PCDH9: variants seen among roughly 807,000 people sequenced by gnomAD.
The protein encoded by PCDH9 is protocadherin-9.
A neutral mutation model predicts 70.6 loss-of-function variants in PCDH9; 24 were observed. That is an observed-to-expected ratio of 0.34 (90% CI 0.25 to 0.48). The LOEUF (loss-of-function observed/expected upper bound fraction) is 0.48, where lower values mean the gene tolerates loss of function less well. PCDH9 is among the 20% of genes least tolerant of loss of function. PCDH9 has a pLI of 0.99. For missense variants in PCDH9, 1,281 were observed against 1,503.6 expected, an observed-to-expected ratio of 0.85 and a Z score of 2.45; for synonymous variants, 562 against 558.5, an observed-to-expected ratio of 1.01 and a Z score of -0.09.
At position 67,128,766 on chromosome 13, in the gene PCDH9, G is replaced by A. The variant is rs181333538; in HGVS notation, c.3036+96639C>T. ...CACTGTTTGAATTCCTCTAGAAGAT[G>A]TTGAGCTTCCACCGTTGTGTTCCAA... On this transcript the variant is annotated intron_variant, in intron 2 of 4. Transcript: ENST00000377865. Among the ~76,000 whole-genome samples the A allele has an allele frequency of 3.2e-4, 49 of 152,272 alleles. 1 individual carries two copies. The highest frequency in any genetic ancestry group is 1.7e-3 in the Admixed American group (26 of 15,280).
chr13:66,595,266 A>C (rs2077089085), intron 4 of PCDH9, among the ~76,000 whole-genome samples: 1 of 151,626 alleles, frequency 6.6e-6, no homozygotes, highest in South Asian at 2.1e-4. Context: ...CCAATTTGCA[A>C]ACCTACCTCC....
intron 4 of PCDH9, among the ~76,000 whole-genome samples, chr13:66,361,434 T>G (rs747764638): frequency 1.2e-4 from 19 of 152,170 alleles, no homozygotes; most frequent in Non-Finnish European, 2.5e-4. Context: ...AGTATTCTCA[T>G]GGATCCGGTA....
chr13:66,970,017 T>C (rs1293758430), intron 2 of PCDH9, among the ~76,000 whole-genome samples: 2 of 151,946 alleles, frequency 1.3e-5, no homozygotes, highest in African/African-American at 4.8e-5. Context: ...CTAGTTACAA[T>C]TGTCCCTTTT....
chr13:66,494,671 A>T (rs1054019811), intron 4 of PCDH9, among the ~76,000 whole-genome samples: 1 of 152,282 alleles, frequency 6.6e-6, no homozygotes, highest in South Asian at 2.1e-4. Flanking sequence ...TGTACATTTT[A>T]AAAATCTTTA....
In PCDH9 at chr13:66,643,231, A is replaced by G. The variant is rs528794497; in HGVS notation, c.3139-11820T>C. ...TTAAGCCTCTCTTGCTTTAAAAAAT[A>G]TAATATGTAACTACCTACTCTACTC... On this transcript the variant is annotated intron_variant, in intron 3 of 4. Transcript: ENST00000377865. Among the ~76,000 whole-genome samples, 7 of 152,196 alleles carry G rather than the reference A, an allele frequency of 4.6e-5. No individual in the cohort carries two copies. In the East Asian group the frequency reaches 1.2e-3, roughly 25 times the overall value.
intron 4 of PCDH9, among the ~76,000 whole-genome samples, chr13:66,423,386 T>A (rs769606661): frequency 3.3e-5 from 5 of 151,242 alleles, no homozygotes; most frequent in African/African-American, 7.3e-5. Flanking sequence ...AAAAGAAAAT[T>A]TCAGGCTAAT....
intron 4 of PCDH9, among the ~76,000 whole-genome samples, chr13:66,378,995 A>G (rs1956795573): frequency 6.6e-6 from 1 of 152,234 alleles, no homozygotes; most frequent in Admixed American, 6.5e-5. Flanking sequence ...CTATGCAGCA[A>G]CAGACACTTA....
At chr13:66,380,524 A>C (rs1311833885) in intron 4 of PCDH9, among the ~76,000 whole-genome samples, 1 of 149,276 alleles carries the variant, frequency 6.7e-6, no homozygotes, top group Non-Finnish European at 1.5e-5. Context: ...AAAATAGAGA[A>C]TAGATCTTGT....
intron 3 of PCDH9, among the ~76,000 whole-genome samples, chr13:66,653,923 G>T (rs547256566): frequency 2.0e-5 from 3 of 146,808 alleles, no homozygotes; most frequent in Non-Finnish European, 3.0e-5. Context: ...AGCTGAGATC[G>T]TGCCACTGCA....
At chr13:67,229,390 C>T (rs1228377776) in intron 1 of PCDH9, among the ~76,000 whole-genome samples, 2 of 152,152 alleles carry the variant, frequency 1.3e-5, no homozygotes, top group East Asian at 1.9e-4. Context: ...TTCTACTGAA[C>T]ATAAAAGAGA....
chr13:66,720,415 G>A (rs1307713975), intron 3 of PCDH9, among the ~76,000 whole-genome samples: 10 of 149,342 alleles, frequency 6.7e-5, no homozygotes, highest in African/African-American at 1.5e-4. Flanking sequence ...CACCTGCCTC[G>A]GCCTTCCAAA....
At chr13:66,306,410 T>A (rs1955466571) in intron 4 of PCDH9, 1 of 150,380 alleles carries the variant, frequency 6.6e-6, no homozygotes, top group South Asian at 2.1e-4. Context: ...TCAAAATAGA[T>A]ACAGAATGTA....
chr13:66,637,862 C>T (rs1011249844), intron 3 of PCDH9, among the ~76,000 whole-genome samples: 19 of 150,950 alleles, frequency 1.3e-4, no homozygotes, highest in African/African-American at 2.4e-5. Flanking sequence ...TGCAGTGAGC[C>T]GAGATCATGC....
At chr13:67,011,939 T>G (rs146087192) in intron 2 of PCDH9, among the ~76,000 whole-genome samples, 1 of 152,074 alleles carries the variant, frequency 6.6e-6, no homozygotes, top group Non-Finnish European at 1.5e-5. Context: ...AGCACTCTTC[T>G]TTATAGCTTT....
intron 4 of PCDH9, among the ~76,000 whole-genome samples, chr13:66,371,384 T>C (rs146187592): frequency 1.3e-3 from 196 of 152,204 alleles, no homozygotes; most frequent in African/African-American, 4.6e-3. Flanking sequence ...CAAAGAAAGA[T>C]ATAATTTATA....
chr13:67,151,403 C>T (rs772936610), intron 2 of PCDH9, among the ~76,000 whole-genome samples: 8 of 152,164 alleles, frequency 5.3e-5, no homozygotes, highest in South Asian at 2.1e-4. Flanking sequence ...TTGCACATCT[C>T]TTCATGGGTT....
At chr13:66,399,304 A>G (rs566591757) in intron 4 of PCDH9, among the ~76,000 whole-genome samples, 2 of 152,146 alleles carry the variant, frequency 1.3e-5, no homozygotes, top group East Asian at 3.9e-4. Context: ...GGGCTGTACT[A>G]TTTCCTGTGC....
In PCDH9 at chr13:66,605,830, A is replaced by C. The variant is rs536304031; in HGVS notation, c.3340+25380T>G. Among the ~76,000 whole-genome samples the C allele has an allele frequency of 1.2e-3, 184 of 152,046 alleles. 4 individuals carry two copies. The highest frequency in any genetic ancestry group is 2.1e-4 in the South Asian group (1 of 4,814). ...ATAATTTCTAGTGTCGGATAGTAAG[A>C]CTTCATACACCATGTGCTAGGGACA... On this transcript the variant is annotated intron_variant, in intron 4 of 4. Transcript: ENST00000377865.
intron 3 of PCDH9, among the ~76,000 whole-genome samples, chr13:66,711,537 G>GA (rs5804292): frequency 2.6e-5 from 4 of 151,684 alleles, no homozygotes; most frequent in African/African-American, 4.8e-5. Context: ...CAAAAATAAA[G>GA]AAAAAAATCA....
Sources: allele counts gnomAD v4.1 joint callset (sites outside exome capture counted in the v4.1 genomes callset), GRCh38; gene constraint gnomAD v4.1.1; transcripts MANE v1.5; gene names NCBI Gene and HGNC (gene_info 2026-07-23, HGNC 2026-07-21).